The following TNFSF4 variants were observed in gnomAD, a reference collection of about 807,000 sequenced individuals.
TNFSF4 encodes TNF superfamily member 4.
TNFSF4 carries 4 observed loss-of-function variants against 7.3 expected under a neutral mutation model. The ratio of observed to expected loss-of-function variants is 0.55; its 90% CI spans 0.27 to 1.25. The LOEUF is 1.25. Ranked by LOEUF, TNFSF4 falls within the 50% of genes most tolerant of loss-of-function variation. The pLI is 0.12. For synonymous variants in TNFSF4, 76 were observed against 83.7 expected (o/e 0.91, Z 0.50); for missense variants, 181 against 208.8 (o/e 0.87, Z 0.82).
chr1:173,174,900 T>C, the TNFSF4 span, among the ~76,000 whole-genome samples: 2 of 152,240 alleles, frequency 1.3e-5, no homozygotes, highest in East Asian at 1.9e-4. Flanking sequence ...ATACAGATTA[T>C]ACAGTCTGTC....
chr1:173,301,127 TCTGA>T, the TNFSF4 span, among the ~76,000 whole-genome samples: 2 of 151,942 alleles, frequency 1.3e-5, no homozygotes, highest in Non-Finnish European at 2.9e-5. Flanking sequence ...TGCTTTCCAT[TCTGA>T]CTTTCTATGA....
chr1:173,324,736 T>A, the TNFSF4 span, among the ~76,000 whole-genome samples: 3 of 152,002 alleles, frequency 2.0e-5, no homozygotes, highest in East Asian at 5.8e-4. Context: ...AAAACAGACT[T>A]GAAACCAACA....
chr1:173,432,263 T>C, the TNFSF4 span, among the ~76,000 whole-genome samples: 7 of 152,206 alleles, frequency 4.6e-5, no homozygotes, highest in Non-Finnish European at 8.8e-5. Context: ...TGTTAGACAA[T>C]TGCCATCCAA....
At chr1:173,368,712 G>C in the TNFSF4 span, among the ~76,000 whole-genome samples, 2 of 152,122 alleles carry the variant, frequency 1.3e-5, no homozygotes, top group East Asian at 3.9e-4. Flanking sequence ...ACAACAAGTT[G>C]GTTGACCCTG....
chr1:173,428,067 T>A, the TNFSF4 span, among the ~76,000 whole-genome samples: 1 of 151,486 alleles, frequency 6.6e-6, no homozygotes, highest in Non-Finnish European at 1.5e-5. Context: ...TGCCTCAGCC[T>A]CCCAAGCAGC....
At chr1:173,338,889 G>C in the TNFSF4 span, among the ~76,000 whole-genome samples, 1 of 152,186 alleles carries the variant, frequency 6.6e-6, no homozygotes, top group Non-Finnish European at 1.5e-5. Flanking sequence ...GCTGGCTGGG[G>C]TGATTAAACC....
the TNFSF4 span, among the ~76,000 whole-genome samples, chr1:173,348,960 C>T: frequency 6.6e-6 from 1 of 152,146 alleles, no homozygotes; most frequent in East Asian, 1.9e-4. Context: ...CAGGTCTGAA[C>T]AACGGTGAGC....
the TNFSF4 span, among the ~76,000 whole-genome samples, chr1:173,262,054 T>C: frequency 1.3e-5 from 2 of 152,190 alleles, no homozygotes; most frequent in Non-Finnish European, 2.9e-5. Flanking sequence ...CCAATATCCC[T>C]GATGAACATC....
chr1:173,244,449 C>T, the TNFSF4 span, among the ~76,000 whole-genome samples: 11 of 151,548 alleles, frequency 7.3e-5, no homozygotes, highest in African/African-American at 1.7e-4. Context: ...GAGACCATCC[C>T]GGCTAAAACG....
the TNFSF4 span, among the ~76,000 whole-genome samples, chr1:173,352,818 C>T: frequency 1.3e-5 from 2 of 152,180 alleles, no homozygotes; most frequent in Non-Finnish European, 2.9e-5. Flanking sequence ...GGGCGTATTT[C>T]ATCCCTTATC....
At chr1:173,194,408 A>G (rs1649609227) in intron 1 of TNFSF4, among the ~76,000 whole-genome samples, 1 of 152,208 alleles carries the variant, frequency 6.6e-6, no homozygotes, top group Non-Finnish European at 1.5e-5. Flanking sequence ...GTAAATACCT[A>G]CAGGCAATGT....
At chr1:173,241,250 G>T in the TNFSF4 span, among the ~76,000 whole-genome samples, 1 of 152,210 alleles carries the variant, frequency 6.6e-6, no homozygotes, top group Non-Finnish European at 1.5e-5. Flanking sequence ...ACCCAGTGAA[G>T]ATACTGAGCT....
At chr1:173,334,979 C>CCTACACA in the TNFSF4 span, among the ~76,000 whole-genome samples, 9 of 152,004 alleles carry the variant, frequency 5.9e-5, no homozygotes, top group East Asian at 1.3e-3. Flanking sequence ...AAGCAGAAAT[C>CCTACACA]AGAGGAACAT....
chr1:173,329,577 T>C, the TNFSF4 span, among the ~76,000 whole-genome samples: 1 of 152,126 alleles, frequency 6.6e-6, no homozygotes, highest in Non-Finnish European at 1.5e-5. Flanking sequence ...GATATAGTTG[T>C]CTATTAGAGC....
At chr1:173,409,593 G>A in the TNFSF4 span, among the ~76,000 whole-genome samples, 1 of 152,158 alleles carries the variant, frequency 6.6e-6, no homozygotes, top group African/African-American at 2.4e-5. Flanking sequence ...TAAATTGAAA[G>A]TCATCAAACT....
At chr1:173,284,387 T>C in the TNFSF4 span, among the ~76,000 whole-genome samples, 2 of 152,156 alleles carry the variant, frequency 1.3e-5, no homozygotes, top group Non-Finnish European at 2.9e-5. Context: ...CACATATAAG[T>C]GCAAGGTAAA....
chr1:173,390,965 CA>C, the TNFSF4 span, among the ~76,000 whole-genome samples: 1 of 152,034 alleles, frequency 6.6e-6, no homozygotes, highest in East Asian at 1.9e-4. Context: ...AGGCTGGTCT[CA>C]AAATCCTGAA....
At chr1:173,386,820 T>C in the TNFSF4 span, among the ~76,000 whole-genome samples, 6 of 152,158 alleles carry the variant, frequency 3.9e-5, no homozygotes, top group Non-Finnish European at 7.4e-5. Flanking sequence ...GGATATGGAG[T>C]CAATGATTAT....
chr1:173,283,650 C>T, the TNFSF4 span, among the ~76,000 whole-genome samples: 2 of 152,044 alleles, frequency 1.3e-5, no homozygotes, highest in African/African-American at 2.4e-5. Context: ...TCACCACAAA[C>T]AAACCTTCCC....
Sources: allele counts gnomAD v4.1 joint callset (sites outside exome capture counted in the v4.1 genomes callset), GRCh38; gene constraint gnomAD v4.1.1; transcripts MANE v1.5; gene names NCBI Gene and HGNC (gene_info 2026-07-23, HGNC 2026-07-21).